The following CRB1 variants were observed in gnomAD, a reference collection of about 807,000 sequenced individuals.
CRB1 encodes the protein protein crumbs homolog 1.
Under a neutral mutation model 120.0 loss-of-function variants are expected in CRB1, and 83 were observed. That is an observed-to-expected ratio of 0.69 (90% CI 0.58 to 0.83). The LOEUF (loss-of-function observed/expected upper bound fraction) is 0.83, where lower values mean the gene tolerates loss of function less well. Among genes scored for constraint, CRB1 ranks in the 40% least tolerant of loss-of-function variants. The probability of loss-of-function intolerance (pLI) is 0.00; values close to 1 mark genes in which losing one functional copy is unlikely to be tolerated. For missense variants in CRB1, 1,699 were observed against 1,687.6 expected (o/e 1.01, Z -0.12); for synonymous variants, 625 against 612.5 (o/e 1.02, Z -0.30).
chr1:197,405,045 G>T (rs10922217), intron 5 of CRB1, among the ~76,000 whole-genome samples: 33,462 of 144,700 alleles, frequency 0.23, 4,153 homozygotes, highest in Middle Eastern at 0.38. Context: ...GCTCGCCCTC[G>T]CCCTCTCCCT....
chr1:197,239,344 CTT>C, the CRB1 span, among the ~76,000 whole-genome samples: 1 of 152,018 alleles, frequency 6.6e-6, no homozygotes, highest in African/African-American at 2.4e-5. Context: ...TAATTACACA[CTT>C]GTCTATTTGT....
At chr1:197,473,239 T>C (rs763036044) in intron 11 of CRB1, among the ~76,000 whole-genome samples, 15 of 152,238 alleles carry the variant, frequency 9.9e-5, no homozygotes, top group East Asian at 1.9e-4. Flanking sequence ...GCTTAGCAAG[T>C]GCATGCTGTT....
At chr1:197,214,906 A>T in the CRB1 span, among the ~76,000 whole-genome samples, 1 of 152,150 alleles carries the variant, frequency 6.6e-6, no homozygotes, top group Non-Finnish European at 1.5e-5. Context: ...AATATCCCTG[A>T]TGAACATAGA....
At chr1:197,219,684 TG>T in the CRB1 span, among the ~76,000 whole-genome samples, 1 of 152,250 alleles carries the variant, frequency 6.6e-6, no homozygotes, top group South Asian at 2.1e-4. Context: ...CTGAAGCATT[TG>T]AATGGCTTCC....
intron 1 of CRB1, among the ~76,000 whole-genome samples, chr1:197,274,862 TG>T (rs1469665695): frequency 6.6e-6 from 1 of 152,056 alleles, no homozygotes; most frequent in East Asian, 1.9e-4. Context: ...ACTTTCAGTT[TG>T]GGGCTATTAG....
chr1:197,302,979 C>G (rs1386122663), intron 1 of CRB1, among the ~76,000 whole-genome samples: 1 of 152,184 alleles, frequency 6.6e-6, no homozygotes, highest in Non-Finnish European at 1.5e-5. Flanking sequence ...AATGTCTCAT[C>G]TTTAATGAAG....
At chr1:197,271,478 G>T (rs1249349982) in intron 1 of CRB1, among the ~76,000 whole-genome samples, 1 of 152,146 alleles carries the variant, frequency 6.6e-6, no homozygotes, top group Admixed American at 6.6e-5. Context: ...TTCCCTTTCT[G>T]TTCCTGAGCA....
chr1:197,265,377 C>T (rs1654609609), upstream of CRB1, among the ~76,000 whole-genome samples: 1 of 149,254 alleles, frequency 6.7e-6, no homozygotes, highest in African/African-American at 2.5e-5. Context: ...TTTTGTCCTC[C>T]CTTCCTTCAT....
At chr1:197,268,945 C>T (rs1482969702) in intron 1 of CRB1, among the ~76,000 whole-genome samples, 1 of 152,154 alleles carries the variant, frequency 6.6e-6, no homozygotes, top group Non-Finnish European at 1.5e-5. Context: ...AGGGGATAGT[C>T]TCAATGTTTC....
chr1:197,280,083 T>A (rs1005657144), intron 1 of CRB1, among the ~76,000 whole-genome samples: 2 of 151,860 alleles, frequency 1.3e-5, no homozygotes, highest in African/African-American at 2.4e-5. Flanking sequence ...TATTTTTTAA[T>A]ATGAGTAGTT....
intron 4 of CRB1, among the ~76,000 whole-genome samples, chr1:197,351,647 T>G (rs1203930751): frequency 1.3e-5 from 2 of 152,090 alleles, no homozygotes; most frequent in Admixed American, 1.3e-4. Context: ...GGCAGGGAAA[T>G]CTAGTGAGTA....
intron 1 of CRB1, among the ~76,000 whole-genome samples, chr1:197,275,853 T>C (rs1558023375): frequency 6.6e-6 from 1 of 152,044 alleles, no homozygotes; most frequent in Non-Finnish European, 1.5e-5. Flanking sequence ...TATTTTACTG[T>C]GCATGTGTTA....
intron 5 of CRB1, among the ~76,000 whole-genome samples, chr1:197,403,708 T>C (rs1364033120): frequency 6.6e-6 from 1 of 152,170 alleles, no homozygotes; most frequent in East Asian, 1.9e-4. Context: ...TCTCTATTGC[T>C]TGCTGCCAGA....
chr1:197,334,244 C>T (rs1232712336), intron 2 of CRB1, among the ~76,000 whole-genome samples: 1 of 152,162 alleles, frequency 6.6e-6, no homozygotes, highest in African/African-American at 2.4e-5. Flanking sequence ...ACTGTTATTT[C>T]ACAAAGTCCA....
At chr1:197,415,059 AAC>A (rs1161334247) in intron 5 of CRB1, among the ~76,000 whole-genome samples, 9 of 152,318 alleles carry the variant, frequency 5.9e-5, no homozygotes, top group African/African-American at 1.9e-4. Flanking sequence ...TATTTAAAGA[AAC>A]ACATAATCAA....
chr1:197,451,581 C>T (rs560389536), intron 11 of CRB1, among the ~76,000 whole-genome samples: 2 of 152,186 alleles, frequency 1.3e-5, no homozygotes, highest in African/African-American at 4.8e-5. Context: ...TCGATTCTGC[C>T]CCATTCAGAG....
At chr1:197,417,311 G>A (rs61280897) in intron 5 of CRB1, among the ~76,000 whole-genome samples, 1 of 152,216 alleles carries the variant, frequency 6.6e-6, no homozygotes, top group Non-Finnish European at 1.5e-5. Flanking sequence ...TCAGGAAAGA[G>A]AGAGAAAGAA....
At chr1:197,462,888 C>CTTTTTTTT (rs66833712) in intron 11 of CRB1, among the ~76,000 whole-genome samples, 1 of 147,594 alleles carries the variant, frequency 6.8e-6, no homozygotes. Context: ...CAATGCAGAT[C>CTTTTTTTT]TTTTTTTTTT....
At chr1:197,416,226 AT>A (rs1277126860) in intron 5 of CRB1, among the ~76,000 whole-genome samples, 1 of 152,182 alleles carries the variant, frequency 6.6e-6, no homozygotes, top group African/African-American at 2.4e-5. Context: ...TATCTGCAAT[AT>A]TTTATACATG....
Sources: gnomAD v4.1 joint callset for allele counts (sites outside exome capture counted in the v4.1 genomes callset) on GRCh38, gnomAD v4.1.1 for gene constraint, MANE v1.5 for transcripts, NCBI Gene and HGNC (gene_info 2026-07-23, HGNC 2026-07-21) for gene names.